The following EPB41L4A variants were observed in gnomAD, a reference collection of about 807,000 sequenced individuals.
The protein encoded by EPB41L4A is erythrocyte membrane protein band 4.1 like 4A.
EPB41L4A carries 100 observed loss-of-function variants against 108.6 expected under a neutral mutation model. That is an observed-to-expected ratio of 0.92 (90% CI 0.78 to 1.09). The LOEUF is 1.09. EPB41L4A is among the 50% of genes least tolerant of loss of function. EPB41L4A has a pLI of 0.00. For missense variants in EPB41L4A, 1,030 were observed against 842.7 expected (o/e 1.22, Z -2.75); for synonymous variants, 319 against 289.0 (o/e 1.10, Z -1.05).
intron 16 of EPB41L4A, among the ~76,000 whole-genome samples, chr5:112,195,459 T>A (rs1761917759): frequency 6.6e-6 from 1 of 150,382 alleles, no homozygotes; most frequent in Non-Finnish European, 1.5e-5. Context: ...AGACAGCTCC[T>A]CTGAGACACA....
chr5:112,377,797 T>C (rs557157650), intron 1 of EPB41L4A, among the ~76,000 whole-genome samples: 1 of 152,172 alleles, frequency 6.6e-6, no homozygotes, highest in East Asian at 1.9e-4. Flanking sequence ...CCATTACCTT[T>C]CCAGAGCTGC....
chr5:112,345,468 TA>T (rs1022342690), intron 1 of EPB41L4A, among the ~76,000 whole-genome samples: 18 of 151,136 alleles, frequency 1.2e-4, no homozygotes, highest in African/African-American at 3.9e-4. Flanking sequence ...AAGATCTCTT[TA>T]AAAAAAAAGA....
At chr5:112,337,268 A>C (rs2150684461) in intron 1 of EPB41L4A, among the ~76,000 whole-genome samples, 1 of 152,256 alleles carries the variant, frequency 6.6e-6, no homozygotes, top group African/African-American at 2.4e-5. Context: ...CAAAGCCCAA[A>C]CCCATCTGTT....
chr5:112,349,994 G>A (rs560242576), intron 1 of EPB41L4A, among the ~76,000 whole-genome samples: 3 of 152,218 alleles, frequency 2.0e-5, no homozygotes, highest in Non-Finnish European at 4.4e-5. Context: ...ATGGGAGACA[G>A]CATGGTGTAG....
chr5:112,238,585 C>T (rs1749532487), intron 11 of EPB41L4A, among the ~76,000 whole-genome samples: 2 of 152,116 alleles, frequency 1.3e-5, no homozygotes, highest in African/African-American at 4.8e-5. Flanking sequence ...AAATGCTTGC[C>T]TTGGCTTTTT....
At chr5:112,234,565 G>A in intron 12 of EPB41L4A, 69 bp downstream of exon 12, 1 of 1,494,854 alleles carries the variant, frequency 6.7e-7, no homozygotes, top group South Asian at 1.3e-5. Context: ...CATCACCTGA[G>A]TATATCTTAC....
chr5:112,407,058 G>C (rs1238457536), intron 1 of EPB41L4A, among the ~76,000 whole-genome samples: 1 of 152,028 alleles, frequency 6.6e-6, no homozygotes, highest in Non-Finnish European at 1.5e-5. Flanking sequence ...CAGAGGATCA[G>C]ACAGTAGAAC....
downstream of EPB41L4A, chr5:112,161,080 G>A (rs1394524402): frequency 6.2e-6 from 1 of 160,620 alleles, no homozygotes; most frequent in Non-Finnish European, 1.4e-5. Context: ...TCCCACGTTT[G>A]GAAACGGGGA....
At chr5:112,309,989 G>A (rs187620715) in intron 1 of EPB41L4A, among the ~76,000 whole-genome samples, 199 of 152,258 alleles carry the variant, frequency 1.3e-3, no homozygotes, top group Non-Finnish European at 2.2e-3. Flanking sequence ...TTTGGAAGTC[G>A]ATTCTTCCCC....
intron 20 of EPB41L4A, 100 bp downstream of exon 20, chr5:112,170,201 G>T: frequency 1.6e-6 from 2 of 1,214,088 alleles, no homozygotes. Flanking sequence ...AAAATGTAAA[G>T]ACAAATTAAA....
chr5:112,418,043 C>T (rs929681510), intron 1 of EPB41L4A, among the ~76,000 whole-genome samples: 1 of 150,096 alleles, frequency 6.7e-6, no homozygotes, highest in Admixed American at 6.6e-5. Context: ...TCTATCAGAG[C>T]GGGGGCGGGG....
At chr5:112,411,393 T>C (rs1762403724) in intron 1 of EPB41L4A, among the ~76,000 whole-genome samples, 2 of 152,170 alleles carry the variant, frequency 1.3e-5, no homozygotes, top group African/African-American at 2.4e-5. Context: ...CAACCACTCA[T>C]ACCCCTCGGA....
chr5:112,176,358 C>G (rs562004736), intron 18 of EPB41L4A, among the ~76,000 whole-genome samples: 41 of 152,328 alleles, frequency 2.7e-4, no homozygotes, highest in African/African-American at 9.9e-4. Flanking sequence ...AGTAATCCAT[C>G]ATCCTTAAGA....
chr5:112,331,337 C>T (rs1421193936), intron 1 of EPB41L4A, among the ~76,000 whole-genome samples: 3 of 152,228 alleles, frequency 2.0e-5, no homozygotes, highest in Non-Finnish European at 4.4e-5. Context: ...GCTGGTTTTA[C>T]ATATAAACAA....
At chr5:112,416,238 T>C (rs1028469590) in intron 1 of EPB41L4A, among the ~76,000 whole-genome samples, 7 of 152,140 alleles carry the variant, frequency 4.6e-5, no homozygotes, top group African/African-American at 1.7e-4. Flanking sequence ...TTTTTCAAAA[T>C]GATACACAGA....
At chr5:112,365,857 C>T (rs1580767999) in intron 1 of EPB41L4A, among the ~76,000 whole-genome samples, 2 of 152,136 alleles carry the variant, frequency 1.3e-5, no homozygotes, top group Non-Finnish European at 2.9e-5. Flanking sequence ...TTAAGATTTT[C>T]TCCTAAAACT....
intron 9 of EPB41L4A, among the ~76,000 whole-genome samples, chr5:112,255,444 G>A (rs1751014276): frequency 6.6e-6 from 1 of 152,118 alleles, no homozygotes; most frequent in Non-Finnish European, 1.5e-5. Flanking sequence ...GGAACTGCTG[G>A]GTTGAAGCTC....
chr5:112,182,099 G>A (rs776484717), intron 18 of EPB41L4A, among the ~76,000 whole-genome samples: 12 of 151,990 alleles, frequency 7.9e-5, no homozygotes, highest in Non-Finnish European at 1.5e-4. Flanking sequence ...GTGGTTGGTT[G>A]TGGGGGTGGG....
chr5:112,204,347 G>T, intron 15 of EPB41L4A, 28 bp downstream of exon 15: 1 of 1,479,108 alleles, frequency 6.8e-7, no homozygotes, highest in Non-Finnish European at 9.5e-7. Context: ...GTTGAAAGCT[G>T]CTAACAGAGA....
Sources: gnomAD v4.1 joint callset for allele counts (sites outside exome capture counted in the v4.1 genomes callset) on GRCh38, gnomAD v4.1.1 for gene constraint, MANE v1.5 for transcripts, NCBI Gene and HGNC (gene_info 2026-07-23, HGNC 2026-07-21) for gene names.